Variants in PUDP observed in about 807,000 individuals in gnomAD.
The protein encoded by PUDP is pseudouridine 5'-phosphatase, also known as pseudouridine-5'-phosphatase.
A neutral mutation model predicts 9.4 loss-of-function variants in PUDP; 8 were observed. The observed-to-expected ratio is 0.85, with a 90% CI of 0.50 to 1.53. PUDP has a LOEUF of 1.53. PUDP is among the 40% of genes most tolerant of loss of function. PUDP has a pLI of 0.00. For synonymous variants in PUDP, 99 were observed against 80.7 expected (o/e 1.23, Z -1.22); for missense variants, 188 against 189.7 (o/e 0.99, Z 0.05).
chrX:6,722,059 C>T (rs576026476), upstream of PUDP, among the ~76,000 whole-genome samples: 29 of 109,973 alleles, frequency 2.6e-4, no homozygotes, highest in African/African-American at 8.3e-4. Flanking sequence ...GGCTAGTCAA[C>T]AAGCAATTGT....
intron 3 of PUDP, among the ~76,000 whole-genome samples, chrX:6,790,254 T>C (rs183201098): frequency 1.1e-3 from 119 of 111,145 alleles, no homozygotes; most frequent in Non-Finnish European, 1.8e-3. Flanking sequence ...GAGAAGGAAA[T>C]AAAAATATTT....
chrX:6,725,722 T>C (rs776124104), upstream of PUDP, among the ~76,000 whole-genome samples: 1 of 112,150 alleles, frequency 8.9e-6, no homozygotes, highest in South Asian at 3.8e-4. Context: ...GATATTATCT[T>C]ACTCCTGCAA....
At chrX:7,135,492 C>A (rs1330599825) in intron 1 of PUDP, among the ~76,000 whole-genome samples, 1 of 111,946 alleles carries the variant, frequency 8.9e-6, no homozygotes, top group African/African-American at 3.2e-5. Context: ...GAAAAATGAG[C>A]ACTAGGAAAT....
intron 3 of PUDP, among the ~76,000 whole-genome samples, chrX:6,958,403 A>C (rs1305147142): frequency 1.8e-5 from 2 of 112,038 alleles, no homozygotes. Flanking sequence ...AAAGTACACT[A>C]ATTTCCTTAT....
intron 1 of PUDP, among the ~76,000 whole-genome samples, chrX:6,992,830 A>C (rs1258261742): frequency 9.0e-6 from 1 of 111,701 alleles, no homozygotes; most frequent in African/African-American, 3.3e-5. Flanking sequence ...TACTACCCTT[A>C]ATCTGGGTAG....
At chrX:7,064,667 C>G (rs978249321) in intron 3 of PUDP, among the ~76,000 whole-genome samples, 5 of 111,347 alleles carry the variant, frequency 4.5e-5, no homozygotes, top group Non-Finnish European at 9.4e-5. Context: ...GTTTGGAGAA[C>G]GGCACACAGA....
intron 1 of PUDP, among the ~76,000 whole-genome samples, chrX:7,009,882 A>G (rs1929453689): frequency 8.9e-6 from 1 of 112,060 alleles, no homozygotes; most frequent in Admixed American, 9.4e-5. Flanking sequence ...AAAACATTCT[A>G]GAGGTGCAGA....
At chrX:6,789,107 TG>T (rs1569098792) in intron 3 of PUDP, among the ~76,000 whole-genome samples, 1 of 110,912 alleles carries the variant, frequency 9.0e-6, no homozygotes, top group Non-Finnish European at 1.9e-5. Flanking sequence ...CTGGCCAACA[TG>T]GCAAAACCCC....
intron 2 of PUDP, among the ~76,000 whole-genome samples, chrX:7,082,841 G>C (rs1931143361): frequency 8.9e-6 from 1 of 112,911 alleles, no homozygotes; most frequent in Non-Finnish European, 1.9e-5. Flanking sequence ...CAGGTGTTAT[G>C]CTTCAAAAGC....
chrX:6,742,205 A>G (rs1171328787), intron 3 of PUDP, among the ~76,000 whole-genome samples: 1 of 111,896 alleles, frequency 8.9e-6, no homozygotes, highest in Non-Finnish European at 1.9e-5. Flanking sequence ...GGGAAATGAT[A>G]TAACTGGATT....
At chrX:7,095,517 T>C (rs1931548561) in intron 2 of PUDP, among the ~76,000 whole-genome samples, 1 of 112,141 alleles carries the variant, frequency 8.9e-6, no homozygotes, top group South Asian at 3.7e-4. Context: ...GCACTGTCCA[T>C]CTTAATGAGA....
intron 1 of PUDP, among the ~76,000 whole-genome samples, chrX:7,130,960 C>A (rs1932606333): frequency 9.0e-6 from 1 of 111,490 alleles, no homozygotes; most frequent in Non-Finnish European, 1.9e-5. Context: ...GAGTGTAGGT[C>A]GATGGCCACC....
chrX:6,986,665 A>T (rs1929107257), intron 1 of PUDP, among the ~76,000 whole-genome samples: 2 of 111,560 alleles, frequency 1.8e-5, no homozygotes, highest in South Asian at 7.6e-4. Flanking sequence ...GTCTGACATG[A>T]ACCTTTGATT....
At chrX:7,001,202 C>A (rs1929320828) in intron 1 of PUDP, among the ~76,000 whole-genome samples, 1 of 109,338 alleles carries the variant, frequency 9.1e-6, no homozygotes, top group Admixed American at 9.8e-5. Context: ...TTCATGAAAG[C>A]CACAAAATAT....
At position 6,764,152 on chromosome X, in the gene PUDP, C is replaced by A. The variant is rs771676308; in HGVS notation, c.*248-57686G>T. Among the ~76,000 whole-genome samples, 121 of 111,571 alleles carry A rather than the reference C, an allele frequency of 1.1e-3. No homozygotes were observed. The South Asian group carries it at 0.011, about 10-fold the overall frequency. ...AAGTAATCAAACCATGCTGGCATCACGAAATAGGATGGTAAAGGCAGAGAG... is the reference window on the plus strand; with the variant it reads ...AAGTAATCAAACCATGCTGGCATCAAGAAATAGGATGGTAAAGGCAGAGAG... On this transcript the variant is annotated intron_variant and NMD_transcript_variant, in intron 3 of 3. Transcript: ENST00000655425.
At chrX:6,811,627 T>C (rs772331123) in intron 3 of PUDP, among the ~76,000 whole-genome samples, 1 of 109,908 alleles carries the variant, frequency 9.1e-6, no homozygotes, top group African/African-American at 3.3e-5. Context: ...CCTGGCCTTT[T>C]TTTTTTTTAA....
At chrX:7,045,031 C>G (rs778398910), downstream of PUDP, among the ~76,000 whole-genome samples, 3 of 112,172 alleles carry the variant, frequency 2.7e-5, no homozygotes, top group East Asian at 2.8e-4. Flanking sequence ...TGTGTCCCCC[C>G]CCAAATCTCA....
chrX:6,878,369 CTTT>C (rs11447707), intron 3 of PUDP, among the ~76,000 whole-genome samples: 1 of 99,101 alleles, frequency 1.0e-5, no homozygotes, highest in Admixed American at 1.1e-4. Context: ...GTTTTCCTGG[CTTT>C]TTTTTTTTTT....
intron 3 of PUDP, among the ~76,000 whole-genome samples, chrX:6,769,190 C>T (rs1158483889): frequency 1.8e-5 from 2 of 112,205 alleles, no homozygotes; most frequent in Non-Finnish European, 3.8e-5. Context: ...AGATAAGCCA[C>T]TCGAGGGGCT....
Sources: allele counts gnomAD v4.1 joint callset (sites outside exome capture counted in the v4.1 genomes callset), GRCh38; gene constraint gnomAD v4.1.1; transcripts MANE v1.5; gene names NCBI Gene and HGNC (gene_info 2026-07-23, HGNC 2026-07-21).